SORBS2: variants seen among roughly 807,000 people sequenced by gnomAD.
SORBS2 encodes the protein sorbin and SH3 domain-containing protein 2.
A neutral mutation model predicts 97.7 loss-of-function variants in SORBS2; 46 were observed. The ratio of observed to expected loss-of-function variants is 0.47; its 90% CI spans 0.37 to 0.60. SORBS2 has a LOEUF of 0.60. Ranked by LOEUF, SORBS2 falls within the 20% of genes least tolerant of loss-of-function variation. SORBS2 has a pLI of 0.00. For missense variants in SORBS2, 1,316 were observed against 1,282.3 expected, an observed-to-expected ratio of 1.03 and a Z score of -0.40; for synonymous variants, 476 against 473.4, an observed-to-expected ratio of 1.01 and a Z score of -0.07.
chr4:185,949,897 T>G (rs11132368), intron 1 of SORBS2, among the ~76,000 whole-genome samples: 32,822 of 152,010 alleles, frequency 0.22, 4,151 homozygotes, highest in East Asian at 0.59. Context: ...AATAACTGGA[T>G]GCCAAGAAGA....
chr4:185,683,425 T>C (rs1035521546), intron 2 of SORBS2, among the ~76,000 whole-genome samples: 4 of 152,330 alleles, frequency 2.6e-5, no homozygotes, highest in African/African-American at 7.2e-5. Flanking sequence ...GAAATGTCAA[T>C]GACATTCAGG....
chr4:185,676,701 T>C (rs1483005101), intron 4 of SORBS2, among the ~76,000 whole-genome samples: 2 of 152,054 alleles, frequency 1.3e-5, no homozygotes. Flanking sequence ...GTCTGCAATG[T>C]CTTAAATGAT....
At position 185,606,316 on chromosome 4, in the gene SORBS2, A is replaced by G; in HGVS notation, c.2796+5464T>C. The G allele has an allele frequency of 1.0e-6, 1 of 976,242 alleles. No individual in the cohort carries two copies. The highest frequency in any genetic ancestry group is 1.2e-6 in the Non-Finnish European group (1 of 821,618). 60.5% of individuals were successfully genotyped at this position (976,242 alleles called of 1,614,324 possible). On this transcript the variant is annotated intron_variant, in intron 12 of 14. Transcript: ENST00000418609. This position sits in a 1 kb window ranked among gnomAD's most constrained non-coding sequence, Gnocchi z 4.3. ...TCATTGTTAATATTGGAAGATTACA[A>G]AGACTATATCAATTACAAAGACTTT...
chr4:185,808,452 G>A (rs977634128), intron 1 of SORBS2, among the ~76,000 whole-genome samples: 2 of 151,944 alleles, frequency 1.3e-5, no homozygotes, highest in Non-Finnish European at 2.9e-5. Context: ...TTTGATTGTG[G>A]CAGTTTTTTC....
intron 1 of SORBS2, among the ~76,000 whole-genome samples, chr4:185,821,756 G>A (rs1304039282): frequency 1.3e-5 from 2 of 152,174 alleles, no homozygotes; most frequent in African/African-American, 4.8e-5. Flanking sequence ...ACACAGATGT[G>A]ATCATTCTTG....
chr4:185,842,023 A>T (rs978213444), intron 1 of SORBS2, among the ~76,000 whole-genome samples: 1 of 152,160 alleles, frequency 6.6e-6, no homozygotes, highest in Non-Finnish European at 1.5e-5. Flanking sequence ...AGACACAGGG[A>T]CTCCTATCAA....
intron 2 of SORBS2, among the ~76,000 whole-genome samples, chr4:185,727,075 C>T (rs1004599454): frequency 3.3e-5 from 5 of 152,198 alleles, no homozygotes; most frequent in African/African-American, 9.6e-5. Flanking sequence ...GATCAGAAGC[C>T]CTGGACAGAC....
intron 1 of SORBS2, among the ~76,000 whole-genome samples, chr4:185,842,292 G>T (rs1304221237): frequency 1.3e-5 from 2 of 152,174 alleles, no homozygotes; most frequent in African/African-American, 4.8e-5. Flanking sequence ...TCTACTTTTG[G>T]TTTAAAGTGA....
At position 185,767,360 on chromosome 4, in the gene SORBS2, C is replaced by T. The variant is rs13146970; in HGVS notation, c.-198+7867G>A. On this transcript the variant is annotated intron_variant, in intron 2 of 20. Transcript: ENST00000284776. ...CTAAAAATACAAAAAATTAGCCGGG[C>T]GTGGTGGCGGGCGCCTGTAGTTCCA... Among the ~76,000 whole-genome samples, 21 of 114,066 alleles carry T rather than the reference C, an allele frequency of 1.8e-4. 1 individual carries two copies. Among genetic ancestry groups the T allele is most frequent in the Admixed American group, 1.6e-3 (16 of 10,250 alleles). 74.8% of individuals were successfully genotyped at this position (114,066 alleles called of 152,430 possible). A position where few individuals can be genotyped will look rare whatever the true frequency, so the allele number is the denominator to read the frequency against.
At chr4:185,892,715 A>G (rs1310897064) in intron 1 of SORBS2, among the ~76,000 whole-genome samples, 1 of 152,234 alleles carries the variant, frequency 6.6e-6, no homozygotes, top group East Asian at 1.9e-4. Flanking sequence ...AAGTACCTGG[A>G]GAAGTCAAAC....
chr4:185,597,308 G>T (rs1004159490), intron 12 of SORBS2, among the ~76,000 whole-genome samples: 4 of 152,074 alleles, frequency 2.6e-5, no homozygotes, highest in African/African-American at 9.7e-5. Flanking sequence ...TTCCATGAAG[G>T]ATACACATTT....
At chr4:185,792,604 A>T (rs776704303) in intron 1 of SORBS2, among the ~76,000 whole-genome samples, 80 of 152,284 alleles carry the variant, frequency 5.3e-4, no homozygotes, top group Non-Finnish European at 4.0e-4. Flanking sequence ...ACAAGCAAAG[A>T]GAAGAAAATA....
chr4:185,840,680 T>G (rs1477929557), intron 1 of SORBS2, among the ~76,000 whole-genome samples: 1 of 152,166 alleles, frequency 6.6e-6, no homozygotes, highest in Admixed American at 6.5e-5. Context: ...ACCCAGCCTT[T>G]AAAAAATAAT....
At chr4:185,589,008 A>C (rs1417669610) in intron 14 of SORBS2, 1 of 152,088 alleles carries the variant, frequency 6.6e-6, no homozygotes, top group Non-Finnish European at 1.5e-5. Flanking sequence ...GGATGTCTAG[A>C]GTGAGCCCTC....
intron 1 of SORBS2, among the ~76,000 whole-genome samples, chr4:185,928,834 C>T (rs998815422): frequency 6.6e-6 from 1 of 152,194 alleles, no homozygotes; most frequent in Non-Finnish European, 1.5e-5. Context: ...GCGTGAGCCA[C>T]CGCGCCTGGC....
At chr4:185,752,519 GC>G (rs1455389210) in intron 2 of SORBS2, among the ~76,000 whole-genome samples, 1 of 152,066 alleles carries the variant, frequency 6.6e-6, no homozygotes, top group African/African-American at 2.4e-5. Context: ...CTTGTGATCT[GC>G]CCGCCTCGGC....
chr4:185,690,486 C>A, intron 2 of SORBS2, 76 bp downstream of exon 4: 1 of 885,136 alleles, frequency 1.1e-6, no homozygotes, highest in South Asian at 1.9e-5. Context: ...CAGAAGAGTG[C>A]TAAACTAATG....
At chr4:185,648,925 C>T (rs2153457508) in intron 3 of SORBS2, among the ~76,000 whole-genome samples, 1 of 152,098 alleles carries the variant, frequency 6.6e-6, no homozygotes, top group Non-Finnish European at 1.5e-5. Context: ...GTAAAAATAA[C>T]ACAATAAAAA....
chr4:185,903,704 T>A (rs1416610296), intron 1 of SORBS2, among the ~76,000 whole-genome samples: 1 of 152,208 alleles, frequency 6.6e-6, no homozygotes, highest in African/African-American at 2.4e-5. Context: ...AGGATAACGA[T>A]GGAATGGCCT....
Sources: gnomAD v4.1 joint callset for allele counts (sites outside exome capture counted in the v4.1 genomes callset) on GRCh38, gnomAD v4.1.1 for gene constraint, Gnocchi (gnomAD v3.1) non-coding constraint, MANE v1.5 for transcripts, NCBI Gene and HGNC (gene_info 2026-07-23, HGNC 2026-07-21) for gene names.